NDUFAF2: variants seen among roughly 807,000 people sequenced by gnomAD.
NDUFAF2 encodes the protein NADH:ubiquinone oxidoreductase complex assembly factor 2.
NDUFAF2 carries 13 observed loss-of-function variants against 22.8 expected under a neutral mutation model. The observed-to-expected ratio is 0.57, with a 90% confidence interval of 0.37 to 0.91. The LOEUF (loss-of-function observed/expected upper bound fraction) is 0.91. Ranked by LOEUF, NDUFAF2 falls within the 40% of genes least tolerant of loss-of-function variation. NDUFAF2 has a pLI of 0.01. For missense variants in NDUFAF2, 162 were observed against 195.2 expected, an observed-to-expected ratio of 0.83 and a Z score of 1.01; for synonymous variants, 53 against 64.2, an observed-to-expected ratio of 0.83 and a Z score of 0.84.
intron 1 of NDUFAF2, among the ~76,000 whole-genome samples, chr5:61,030,168 T>TTTAGAACTGGTTTTAGTAA (rs1350021747): frequency 4.0e-4 from 61 of 152,272 alleles, no homozygotes; most frequent in African/African-American, 1.4e-3. Flanking sequence ...TGTGAGGGTC[T>TTTAGAACTGGTTTTAGTAA]TTAGAACTGG....
intron 1 of NDUFAF2, among the ~76,000 whole-genome samples, chr5:61,003,565 G>A (rs1182645901): frequency 6.6e-6 from 1 of 150,386 alleles, no homozygotes; most frequent in African/African-American, 2.4e-5. Flanking sequence ...AATGTAAATA[G>A]CAATACACCA....
At chr5:61,144,854 T>C (rs887326129) in intron 3 of NDUFAF2, among the ~76,000 whole-genome samples, 19 of 152,216 alleles carry the variant, frequency 1.2e-4, no homozygotes, top group African/African-American at 4.6e-4. Context: ...AGACCTCTAG[T>C]ATTTTTCTAC....
At chr5:61,104,155 CTG>C (rs2111774114) in intron 3 of NDUFAF2, among the ~76,000 whole-genome samples, 1 of 152,156 alleles carries the variant, frequency 6.6e-6, no homozygotes, top group African/African-American at 2.4e-5. Context: ...TGAGGAGCAT[CTG>C]GTAATAGTTC....
At chr5:61,128,228 T>A (rs901981597) in intron 3 of NDUFAF2, among the ~76,000 whole-genome samples, 1 of 152,140 alleles carries the variant, frequency 6.6e-6, no homozygotes, top group Non-Finnish European at 1.5e-5. Flanking sequence ...CTGCCCAAGG[T>A]AATTTATAGA....
chr5:61,030,061 T>C (rs158699), intron 1 of NDUFAF2, among the ~76,000 whole-genome samples: 131,869 of 152,120 alleles, frequency 0.87, 57,391 homozygotes, highest in East Asian at 0.95. Context: ...CCCTGGTTGA[T>C]AGAGATCATG....
Position 60,964,218 on chromosome 5 carries a change from A to G in NDUFAF2, c.127+18836A>G, listed in dbSNP as rs1472162522. On this transcript the variant is annotated intron_variant, in intron 1 of 3. Coordinates refer to ENST00000296597, the MANE Select transcript of NDUFAF2 (RefSeq NM_174889.5). ...AAGAATTCTCACATACTTTCCCCAA[A>G]TCAACCAAATGTTACTGTTATACCA... 3.9e-5 allele frequency among the ~76,000 whole-genome samples: 6 copies of G among 152,264 alleles called. No homozygotes were observed. In the South Asian group the frequency reaches 8.3e-4, roughly 21 times the overall value.
chr5:61,008,124 G>A (rs1333436636), intron 1 of NDUFAF2, among the ~76,000 whole-genome samples: 1 of 142,906 alleles, frequency 7.0e-6, no homozygotes, highest in Non-Finnish European at 1.5e-5. Context: ...GACAGAGGAA[G>A]GGGAACATCA....
chr5:60,945,523 C>G (rs1039813533), intron 1 of NDUFAF2, 141 bp downstream of exon 1: 2 of 1,213,620 alleles, frequency 1.6e-6, no homozygotes, highest in Non-Finnish European at 2.4e-6. Context: ...AGTTCGTTCT[C>G]CCCTGTCGAC....
At chr5:61,115,798 C>G (rs551169134) in intron 3 of NDUFAF2, 1 of 152,006 alleles carries the variant, frequency 6.6e-6, no homozygotes, top group South Asian at 2.1e-4. Context: ...GAAGAGGAAC[C>G]TTATTAAATA....
At chr5:61,050,374 T>A (rs1200210641) in intron 1 of NDUFAF2, 1 of 152,142 alleles carries the variant, frequency 6.6e-6, no homozygotes, top group African/African-American at 2.4e-5. Context: ...CAATCTCATT[T>A]ACAGATTATG....
At chr5:61,028,559 T>C (rs1272796172) in intron 1 of NDUFAF2, among the ~76,000 whole-genome samples, 1 of 152,130 alleles carries the variant, frequency 6.6e-6, no homozygotes, top group Non-Finnish European at 1.5e-5. Context: ...ATATTTTCCA[T>C]AGTATGGATA....
At chr5:60,981,287 T>A (rs1405896201) in intron 1 of NDUFAF2, among the ~76,000 whole-genome samples, 1 of 152,150 alleles carries the variant, frequency 6.6e-6, no homozygotes, top group Non-Finnish European at 1.5e-5. Context: ...GCATGACATA[T>A]TTAACATGCT....
Position 61,099,035 on chromosome 5 carries a change from A to G in NDUFAF2, c.258+3A>G. ...GAAAGACTCCACCTACTATGGAGGT[A>G]AGACTACACAAGGAGGATATCATTT... On this transcript the variant is annotated splice_donor_region_variant and intron_variant, in intron 3 of 3. Transcript: ENST00000296597. 4 of 1,593,446 alleles carry G rather than the reference A, an allele frequency of 2.5e-6. No individual in the cohort carries two copies. The highest frequency in any genetic ancestry group is 1.7e-4 in the Middle Eastern group (1 of 6,004).
chr5:61,028,548 C>T (rs1751683957), intron 1 of NDUFAF2, among the ~76,000 whole-genome samples: 1 of 152,014 alleles, frequency 6.6e-6, no homozygotes, highest in African/African-American at 2.4e-5. Context: ...TTAATAACTG[C>T]ATATTTTCCA....
At chr5:60,959,519 A>G (rs1010424000) in intron 1 of NDUFAF2, among the ~76,000 whole-genome samples, 2 of 152,062 alleles carry the variant, frequency 1.3e-5, no homozygotes, top group Admixed American at 6.5e-5. Flanking sequence ...TTTAAATCAA[A>G]CATTTAGTTT....
intron 1 of NDUFAF2, among the ~76,000 whole-genome samples, chr5:60,985,813 CA>C (rs1346870487): frequency 6.6e-6 from 1 of 152,128 alleles, no homozygotes; most frequent in Non-Finnish European, 1.5e-5. Context: ...CCCTATAATT[CA>C]ATCACCTCCC....
intron 1 of NDUFAF2, among the ~76,000 whole-genome samples, chr5:61,054,336 A>G (rs1207687107): frequency 6.6e-6 from 1 of 152,250 alleles, no homozygotes; most frequent in Non-Finnish European, 1.5e-5. Flanking sequence ...TAATAGTCCT[A>G]TCAAAATATT....
chr5:61,041,491 ACTTAGT>A (rs1448432950), intron 1 of NDUFAF2, among the ~76,000 whole-genome samples: 2 of 152,092 alleles, frequency 1.3e-5, no homozygotes, highest in African/African-American at 4.8e-5. Flanking sequence ...GCTAAGAGAG[ACTTAGT>A]CTTAGAGAGA....
chr5:61,073,488 T>C (rs1174257849), intron 2 of NDUFAF2, among the ~76,000 whole-genome samples: 1 of 152,206 alleles, frequency 6.6e-6, no homozygotes, highest in Non-Finnish European at 1.5e-5. Context: ...AGATGCAAAA[T>C]TTAAGCAGGC....
Sources: gnomAD v4.1 joint callset for allele counts (sites outside exome capture counted in the v4.1 genomes callset) on GRCh38, gnomAD v4.1.1 for gene constraint, MANE v1.5 for transcripts, NCBI Gene and HGNC (gene_info 2026-07-23, HGNC 2026-07-21) for gene names.